The following KPNA5 variants were observed in gnomAD, a reference collection of about 807,000 sequenced individuals.
The protein encoded by KPNA5 is importin subunit alpha-6.
KPNA5 carries 46 observed loss-of-function variants against 71.3 expected under a neutral mutation model. That is an observed-to-expected ratio of 0.65 (90% CI 0.51 to 0.83). The LOEUF is 0.83. Ranked by LOEUF, KPNA5 falls within the 40% of genes least tolerant of loss-of-function variation. The pLI is 0.00. For missense variants in KPNA5, 547 were observed against 628.3 expected, an observed-to-expected ratio of 0.87 and a Z score of 1.38; for synonymous variants, 207 against 201.4, an observed-to-expected ratio of 1.03 and a Z score of -0.24.
rs1779655592 is a variant in KPNA5 at position 116,735,963 on chromosome 6, T to G, written c.*3640T>G. 1 of 151,748 alleles carries G rather than the reference T, an allele frequency of 6.6e-6. No individual in the cohort carries two copies. The highest frequency in any genetic ancestry group is 1.5e-5 in the Non-Finnish European group (1 of 67,758). The allele number at this position is 151,748 out of a possible 1,614,324, so 9.4% of individuals were successfully genotyped here. On this transcript the variant is annotated 3_prime_UTR_variant, in exon 14 of 14. Transcript: ENST00000368564. Reference sequence around the variant, plus strand: ...CCGTATTTTGCCTCTAAGAAAATGTTTTCAAGAAGCAAATTGGTGAAAAGG... The same window carrying G: ...CCGTATTTTGCCTCTAAGAAAATGTGTTCAAGAAGCAAATTGGTGAAAAGG...
At chr6:116,713,557 C>T (rs1016561716) in intron 7 of KPNA5, among the ~76,000 whole-genome samples, 1 of 152,120 alleles carries the variant, frequency 6.6e-6, no homozygotes, top group African/African-American at 2.4e-5. Context: ...GTTTATTCAG[C>T]TTCTTGGATG....
chr6:116,718,285 T>A (rs1464913767), intron 8 of KPNA5, among the ~76,000 whole-genome samples: 17 of 149,344 alleles, frequency 1.1e-4, no homozygotes, highest in Non-Finnish European at 1.9e-4. Flanking sequence ...TTTTTTGAGA[T>A]GGAGTCTCGC....
At chr6:116,696,812 T>C (rs1778046310) in intron 4 of KPNA5, among the ~76,000 whole-genome samples, 1 of 152,136 alleles carries the variant, frequency 6.6e-6, no homozygotes, top group African/African-American at 2.4e-5. Flanking sequence ...ATACTAATAG[T>C]AGTTCATGAT....
At position 116,689,316 on chromosome 6, in the gene KPNA5, T is replaced by C. The variant is rs765112757; in HGVS notation, c.5-4T>C. On this transcript the variant is annotated splice_polypyrimidine_tract_variant and splice_region_variant and intron_variant, in intron 1 of 13. Transcript: ENST00000368564. ...TGTCTGTTTTCTTTTCTCCTTCCTT[T>C]AAGATGCCATGGCTAGTCCAGGGAA... 3 of 1,598,922 alleles carry C rather than the reference T, an allele frequency of 1.9e-6. No homozygotes were observed. The highest frequency in any genetic ancestry group is 2.6e-6 in the Non-Finnish European group (3 of 1,176,150).
In KPNA5 at chr6:116,740,185, A is replaced by T. The variant is rs1442956030; in HGVS notation, c.*7862A>T. On this transcript the variant is annotated 3_prime_UTR_variant, in exon 14 of 14. Transcript: ENST00000368564. ...AACCCCATCAAAAAGTGGGTGAAGGACATGAACAGACACTTCTCAAAAGAA... is the reference window on the plus strand; with the variant it reads ...AACCCCATCAAAAAGTGGGTGAAGGTCATGAACAGACACTTCTCAAAAGAA... 6.6e-6 allele frequency: 1 copy of T among 152,218 alleles called. No homozygotes were observed. Among genetic ancestry groups the T allele is most frequent in the Non-Finnish European group, 1.5e-5 (1 of 68,040 alleles). 9.4% of individuals were successfully genotyped at this position (152,218 alleles called of 1,614,324 possible).
chr6:116,714,128 T>TG (rs760574802), intron 7 of KPNA5, among the ~76,000 whole-genome samples: 2 of 152,348 alleles, frequency 1.3e-5, no homozygotes, highest in Non-Finnish European at 2.9e-5. Context: ...AATTTCTTGT[T>TG]GAAAAACTGG....
Position 116,734,570 on chromosome 6 carries a change from T to TCTTGG in KPNA5, c.*2266_*2270dup, listed in dbSNP as rs146508137. ...GCACTGTATAGCAGTTGGGACCAGC[T>TCTTGG]CTTGGCTTGGCTTGGCTTGGCTTAT... On this transcript the variant is annotated 3_prime_UTR_variant, in exon 14 of 14. Coordinates refer to ENST00000368564, the MANE Select transcript of KPNA5 (RefSeq NM_001366306.2). 5 of 151,628 alleles carry TCTTGG rather than the reference T, an allele frequency of 3.3e-5. No individual in the cohort carries two copies. Among genetic ancestry groups the TCTTGG allele is most frequent in the East Asian group, 1.9e-4 (1 of 5,166 alleles). The allele number at this position is 151,628 out of a possible 1,614,324, so 9.4% of individuals were successfully genotyped here. A position where few individuals can be genotyped will look rare whatever the true frequency, so the allele number is the denominator to read the frequency against.
In KPNA5 at chr6:116,685,096, A is replaced by AT. The variant is rs1331768089; in HGVS notation, c.4+3761dup. On this transcript the variant is annotated intron_variant, in intron 1 of 13. Coordinates refer to ENST00000368564, the MANE Select transcript of KPNA5 (RefSeq NM_001366306.2). ...ACCTTTACATAAATGTCTGTAGCACATTTATTCATAACCTCCAAAAACTAG... is the reference window on the plus strand; with the variant it reads ...ACCTTTACATAAATGTCTGTAGCACATTTTATTCATAACCTCCAAAAACTAG... 4.6e-5 allele frequency among the ~76,000 whole-genome samples: 7 copies of AT among 152,280 alleles called. No individual in the cohort carries two copies. The South Asian group carries it at 6.2e-4, about 14-fold the overall frequency.
At chr6:116,697,689 G>C (rs1778078231) in intron 4 of KPNA5, among the ~76,000 whole-genome samples, 1 of 151,960 alleles carries the variant, frequency 6.6e-6, no homozygotes, top group African/African-American at 2.4e-5. Context: ...ATCAGAAGTG[G>C]AAATGAGTAT....
intron 8 of KPNA5, among the ~76,000 whole-genome samples, chr6:116,716,869 A>T (rs756424349): frequency 3.3e-5 from 5 of 152,126 alleles, no homozygotes; most frequent in Non-Finnish European, 7.4e-5. Flanking sequence ...CACTAAGAGA[A>T]GTTTAAACTT....
intron 12 of KPNA5, 144 bp from the exon 13 acceptor site, chr6:116,729,419 T>C (rs1779404222): frequency 2.1e-6 from 1 of 466,074 alleles, no homozygotes; most frequent in Non-Finnish European, 3.6e-6. Flanking sequence ...TGTGTAATGT[T>C]TGCATTTGTA....
chr6:116,681,566 C>A (rs1777357197), intron 1 of KPNA5: 1 of 1,304,786 alleles, frequency 7.7e-7, no homozygotes, highest in Non-Finnish European at 9.7e-7. Context: ...AGTTCAGATT[C>A]TTTCAGCAGG....
rs966825775 is a variant in KPNA5 at position 116,733,318 on chromosome 6, C to G, written c.*995C>G. ...TTAGGTACTCGAATGACAAAATTACCCTGAAGAAATAACCTTATTATGTGT... is the reference window on the plus strand; with the variant it reads ...TTAGGTACTCGAATGACAAAATTACGCTGAAGAAATAACCTTATTATGTGT... On this transcript the variant is annotated 3_prime_UTR_variant, in exon 14 of 14. Coordinates refer to ENST00000368564, the MANE Select transcript of KPNA5 (RefSeq NM_001366306.2). 1.3e-5 allele frequency: 2 copies of G among 151,222 alleles called. No homozygotes were observed. The highest frequency in any genetic ancestry group is 4.8e-5 in the African/African-American group (2 of 41,282). 9.4% of individuals were successfully genotyped at this position (151,222 alleles called of 1,614,324 possible).
In KPNA5 at chr6:116,732,193, C is replaced by G; in HGVS notation, c.1490C>G (p.Ala497Gly). 6.4e-7 allele frequency: 1 copy of G among 1,568,152 alleles called. No homozygotes were observed. Among genetic ancestry groups the G allele is most frequent in the Non-Finnish European group, 8.6e-7 (1 of 1,159,102 alleles). ...SHENQEIYQK[A>G]FDLIEHYFGV... ...GAAAATCAGGAAATTTACCAGAAGG[C>G]ATTTGATCTGATTGAACATTACTTT... is the stretch of plus-strand genomic sequence containing the variant. The change falls in exon 14 of 14, where the codon GCA (alanine) becomes GGA (glycine). Residue 497 changes from alanine (A) to glycine (G), a missense_variant. Physicochemically the swap from Ala to Gly is moderately conservative, Grantham distance 60. Transcript: ENST00000368564.
chr6:116,689,529 A>C, intron 2 of KPNA5, 76 bp downstream of exon 2: 1 of 1,247,318 alleles, frequency 8.0e-7, no homozygotes, highest in Non-Finnish European at 1.1e-6. Flanking sequence ...TTTTAAATGG[A>C]AATGTTTTAA....
intron 11 of KPNA5, 39 bp downstream of exon 11, chr6:116,725,915 C>A: frequency 6.4e-7 from 1 of 1,568,836 alleles, no homozygotes; most frequent in South Asian, 1.2e-5. Flanking sequence ...ACAGCAAGGT[C>A]TAAGAAGCCA....
At chr6:116,706,721 TAAA>T (rs1471534518) in intron 7 of KPNA5, among the ~76,000 whole-genome samples, 1 of 152,022 alleles carries the variant, frequency 6.6e-6, no homozygotes, top group East Asian at 1.9e-4. Flanking sequence ...AAAAGGGTAT[TAAA>T]AAGTTGGAAA....
At chr6:116,689,894 A>T (rs761501888) in intron 2 of KPNA5, among the ~76,000 whole-genome samples, 1 of 152,192 alleles carries the variant, frequency 6.6e-6, no homozygotes, top group Non-Finnish European at 1.5e-5. Context: ...CTCTGTTTAT[A>T]CTTTTCATAT....
At chr6:116,698,243 C>G (rs1778101929) in intron 4 of KPNA5, among the ~76,000 whole-genome samples, 1 of 151,958 alleles carries the variant, frequency 6.6e-6, no homozygotes, top group South Asian at 2.1e-4. Flanking sequence ...AGTCCGTTAA[C>G]ATTTCTGTAA....
Sources: allele counts gnomAD v4.1 joint callset (sites outside exome capture counted in the v4.1 genomes callset), GRCh38; gene constraint gnomAD v4.1.1; transcripts MANE v1.5; gene names NCBI Gene and HGNC (gene_info 2026-07-23, HGNC 2026-07-21).